Variants in GABRA1 observed in about 807,000 individuals in gnomAD.
GABRA1 encodes the protein gamma-aminobutyric acid type A receptor subunit alpha1, also known as gamma-aminobutyric acid receptor subunit alpha-1.
GABRA1 carries 9 observed loss-of-function variants against 48.9 expected under a neutral mutation model. The ratio of observed to expected loss-of-function variants is 0.18; its 90% CI spans 0.11 to 0.32. GABRA1 has a LOEUF of 0.32. Ranked by LOEUF, GABRA1 falls within the 10% of genes least tolerant of loss-of-function variation. GABRA1 has a pLI of 1.00. For missense variants in GABRA1, 285 were observed against 553.8 expected (o/e 0.51, Z 4.87); for synonymous variants, 210 against 198.7 (o/e 1.06, Z -0.48).
At chr5:161,849,659 G>T (rs1429637234) in intron 1 of GABRA1, among the ~76,000 whole-genome samples, 1 of 152,056 alleles carries the variant, frequency 6.6e-6, no homozygotes, top group East Asian at 1.9e-4. Flanking sequence ...TAATGAAAAA[G>T]AAGCTTTAAA....
intron 3 of GABRA1, among the ~76,000 whole-genome samples, chr5:161,865,051 T>A (rs960119106): frequency 6.6e-6 from 1 of 152,104 alleles, no homozygotes; most frequent in African/African-American, 2.4e-5. Flanking sequence ...CTATAATTAA[T>A]ATGCTTTATT....
chr5:161,860,090 G>T (rs147003694), intron 3 of GABRA1, among the ~76,000 whole-genome samples: 92 of 151,822 alleles, frequency 6.1e-4, no homozygotes, highest in African/African-American at 2.1e-3. Flanking sequence ...ATAGAGAAAA[G>T]GTAGTTACCA....
chr5:161,856,221 T>G (rs746165426), intron 3 of GABRA1, among the ~76,000 whole-genome samples: 11 of 151,432 alleles, frequency 7.3e-5, no homozygotes, highest in Non-Finnish European at 1.0e-4. Context: ...AAGCTAATTT[T>G]CAATACTGGT....
intron 4 of GABRA1, chr5:161,872,136 C>A (rs1754147477): frequency 6.6e-6 from 1 of 152,624 alleles, no homozygotes; most frequent in African/African-American, 2.4e-5. Flanking sequence ...CAAGTTAGTT[C>A]TCTTTCTGGT....
intron 3 of GABRA1, among the ~76,000 whole-genome samples, chr5:161,863,592 C>T (rs1302978312): frequency 6.6e-6 from 1 of 151,992 alleles, no homozygotes; most frequent in Non-Finnish European, 1.5e-5. Flanking sequence ...TCCCACCAGG[C>T]CCCAGCTCCA....
chr5:161,897,036 C>T (rs964725232), intron 9 of GABRA1, 75 bp from the exon 10 acceptor site: 20 of 1,372,200 alleles, frequency 1.5e-5, no homozygotes, highest in Non-Finnish European at 2.0e-5. Context: ...AAAATAAGGG[C>T]CACCTTGCTC....
intron 6 of GABRA1, among the ~76,000 whole-genome samples, chr5:161,876,967 C>T (rs973474170): frequency 1.3e-5 from 2 of 152,092 alleles, no homozygotes; most frequent in South Asian, 2.1e-4. Context: ...CAAGGTCTTG[C>T]TCTGTTGCCA....
chr5:161,860,578 A>C (rs1757813771), intron 3 of GABRA1, among the ~76,000 whole-genome samples: 1 of 151,890 alleles, frequency 6.6e-6, no homozygotes, highest in South Asian at 2.1e-4. Flanking sequence ...TAATAGCACA[A>C]CAGGGTGACT....
rs1294607286 is a variant in GABRA1 at position 161,891,589 on chromosome 5, AC to A, written c.856+540del. 4.1e-4 allele frequency among the ~76,000 whole-genome samples: 62 copies of A among 152,292 alleles called. 1 individual carries two copies. Among genetic ancestry groups the A allele is most frequent in the African/African-American group, 1.4e-3 (59 of 41,572 alleles). On this transcript the variant is annotated intron_variant, in intron 8 of 9. Transcript: ENST00000393943. ...TCTATTACAATATTTTTAATGACCTACATGCTTCAAGTTAAGAAATCTAATT... is the reference window on the plus strand; with the variant it reads ...TCTATTACAATATTTTTAATGACCTAATGCTTCAAGTTAAGAAATCTAATT...
At chr5:161,872,915 TA>T (rs201066569) in intron 4 of GABRA1, 115 of 561,564 alleles carry the variant, frequency 2.0e-4, no homozygotes, top group East Asian at 3.1e-4. Flanking sequence ...GCATTTTAGA[TA>T]TTTTTTTTAA....
chr5:161,871,960 T>C (rs1754140376), intron 4 of GABRA1, among the ~76,000 whole-genome samples: 1 of 152,178 alleles, frequency 6.6e-6, no homozygotes, highest in African/African-American at 2.4e-5. Flanking sequence ...CCAGTATTGC[T>C]TAAGCCCTTG....
At chr5:161,853,207 G>A (rs1480629407) in intron 2 of GABRA1, among the ~76,000 whole-genome samples, 1 of 151,936 alleles carries the variant, frequency 6.6e-6, no homozygotes, top group Non-Finnish European at 1.5e-5. Context: ...AGCATAGATA[G>A]CAATGTGATT....
chr5:161,873,000 A>G (rs1365334783), intron 4 of GABRA1, 117 bp from the exon 5 acceptor site: 16 of 784,782 alleles, frequency 2.0e-5, no homozygotes, highest in Non-Finnish European at 2.5e-5. Context: ...TTCTAAAAAC[A>G]TCACCTAGCT....
intron 3 of GABRA1, among the ~76,000 whole-genome samples, chr5:161,855,686 C>G (rs1173819877): frequency 6.6e-6 from 1 of 151,240 alleles, no homozygotes; most frequent in Non-Finnish European, 1.5e-5. Flanking sequence ...AATTACAAAA[C>G]TAGCTAGATG....
At chr5:161,878,485 G>C (rs576257827) in intron 6 of GABRA1, among the ~76,000 whole-genome samples, 3 of 152,280 alleles carry the variant, frequency 2.0e-5, no homozygotes, top group South Asian at 2.1e-4. Context: ...GAAAAGAATA[G>C]ACAAGAGGAG....
At chr5:161,897,085 A>G in intron 9 of GABRA1, 26 bp from the exon 10 acceptor site, 1 of 1,611,934 alleles carries the variant, frequency 6.2e-7, no homozygotes, top group South Asian at 1.1e-5. Context: ...TTACTAAACA[A>G]AATGCATTGC....
chr5:161,895,900 A>G (rs1166463472), intron 9 of GABRA1, 32 bp downstream of exon 9: 1 of 1,547,410 alleles, frequency 6.5e-7, no homozygotes, highest in African/African-American at 1.4e-5. Flanking sequence ...GTAGTACATC[A>G]ATATTATGTC....
At chr5:161,880,858 A>C (rs1206199073) in intron 6 of GABRA1, among the ~76,000 whole-genome samples, 1 of 152,128 alleles carries the variant, frequency 6.6e-6, no homozygotes, top group Non-Finnish European at 1.5e-5. Flanking sequence ...ACTATATCTT[A>C]TCTGGGGAAA....
intron 6 of GABRA1, among the ~76,000 whole-genome samples, chr5:161,881,171 C>T (rs1026055549): frequency 4.6e-5 from 7 of 152,162 alleles, no homozygotes; most frequent in African/African-American, 1.4e-4. Flanking sequence ...ATGAGTCAAG[C>T]TCTTGTCATA....
Sources: allele counts gnomAD v4.1 joint callset (sites outside exome capture counted in the v4.1 genomes callset), GRCh38; gene constraint gnomAD v4.1.1; transcripts MANE v1.5; gene names NCBI Gene and HGNC (gene_info 2026-07-23, HGNC 2026-07-21).